Variants in NAGK observed in about 807,000 individuals in gnomAD.
NAGK encodes N-acetylglucosamine kinase.
In NAGK, 35 loss-of-function variants were observed where a neutral mutation model predicts 42.9. The observed-to-expected ratio is 0.82, with a 90% confidence interval of 0.62 to 1.08. The LOEUF (loss-of-function observed/expected upper bound fraction) is 1.08. Ranked by LOEUF, NAGK falls within the 50% of genes least tolerant of loss-of-function variation. NAGK has a pLI of 0.00. For synonymous variants in NAGK, 172 were observed against 176.0 expected (o/e 0.98, Z 0.18); for missense variants, 446 against 446.0 (o/e 1.00, Z 0.00).
rs144747357 is a variant in NAGK at position 71,072,436 on chromosome 2, C to T, written c.356-205C>T. 9.2e-5 allele frequency: 49 copies of T among 534,796 alleles called. No individual in the cohort carries two copies. In the East Asian group the frequency reaches 1.0e-3, roughly 11 times the overall value. 33.1% of individuals were successfully genotyped at this position (534,796 alleles called of 1,614,324 possible). On this transcript the variant is annotated intron_variant, in intron 4 of 9. Transcript: ENST00000244204. ...TTGCATTTCTCTTTGTCCCCCTAGA[C>T]GAGGGCGTTATGGGATTAGAGTTTT...
At chr2:71,075,692 C>G (rs1672184728) in intron 7 of NAGK, 50 bp downstream of exon 7, 1 of 1,532,174 alleles carries the variant, frequency 6.5e-7, no homozygotes. Context: ...TCCAAAGATC[C>G]CCAGTTGGGA....
chr2:71,070,779 G>A lies in NAGK; in HGVS notation c.153G>A (p.Glu51=). 6.2e-7 allele frequency: 1 copy of A among 1,614,202 alleles called. No homozygotes were observed. Among genetic ancestry groups the A allele is most frequent in the East Asian group, 2.2e-5 (1 of 44,886 alleles). ...GTDKCVERIN[E]MVNRAKRKAG... ...ACAAGTGTGTGGAGAGGATCAATGA[G>A]ATGGTGAACAGGGCCAAACGGAAAG... The change falls in exon 3 of 10, where the codon GAG becomes GAA. Residue 51 remains glutamate, a synonymous_variant. Transcript: ENST00000244204.
chr2:71,077,535 T>C, intron 8 of NAGK, 23 bp from the exon 9 acceptor site: 1 of 1,589,906 alleles, frequency 6.3e-7, no homozygotes, highest in Admixed American at 1.8e-5. Flanking sequence ...GGCCCCCATA[T>C]CCATTTTCTG....
At chr2:71,075,995 T>G in intron 7 of NAGK, 1 of 292,676 alleles carries the variant, frequency 3.4e-6, no homozygotes, top group Non-Finnish European at 6.5e-6. Context: ...TATAGAGAGG[T>G]TAGGCATATT....
At chr2:71,071,605 C>T in intron 3 of NAGK, 81 bp from the exon 4 acceptor site, 1 of 1,495,156 alleles carries the variant, frequency 6.7e-7, no homozygotes, top group Non-Finnish European at 8.9e-7. Context: ...GAACAGGAAT[C>T]AGGCATCAGG....
chr2:71,071,826 T>A lies in NAGK; in HGVS notation c.354T>A (p.Asp118Glu). The change falls in exon 4 of 10, where the codon GAT becomes GAA. Residue 118 changes from aspartate (D) to glutamate (E), a missense_variant and splice_region_variant. Coordinates refer to ENST00000244204, the MANE Select transcript of NAGK (RefSeq NM_017567.6). ...AAGSIATATP[D>E]GGVVLISGTG... ...GCTCCATCGCCACAGCTACACCGGA[T>A]GGTGAGGAAGTGGAGGGAGGGGTGA... The A allele has an allele frequency of 6.2e-7, 1 of 1,613,896 alleles. No homozygotes were observed. Among genetic ancestry groups the A allele is most frequent in the Non-Finnish European group, 8.5e-7 (1 of 1,179,920 alleles).
intron 4 of NAGK, 28 bp downstream of exon 4, chr2:71,071,855 T>A: frequency 6.2e-7 from 1 of 1,611,004 alleles, no homozygotes; most frequent in South Asian, 1.1e-5. Context: ...GGGGTGAGAG[T>A]GAGAACTGGT....
At chr2:71,074,183 GT>G (rs773417203) in intron 6 of NAGK, among the ~76,000 whole-genome samples, 33 of 152,178 alleles carry the variant, frequency 2.2e-4, no homozygotes, top group Non-Finnish European at 4.1e-4. Context: ...AGAGGACAAG[GT>G]TGATGAGTTT....
intron 3 of NAGK, 108 bp from the exon 4 acceptor site, chr2:71,071,578 G>A: frequency 7.0e-7 from 1 of 1,432,796 alleles, no homozygotes; most frequent in Non-Finnish European, 9.3e-7. Flanking sequence ...GGTGAACAGG[G>A]TATGGCCAGA....
intron 1 of NAGK, chr2:71,069,224 C>A: frequency 2.2e-6 from 1 of 458,854 alleles, no homozygotes; most frequent in Non-Finnish European, 2.9e-6. Flanking sequence ...TTCCATGCTG[C>A]TTTCACTAGA....
At chr2:71,071,500 C>T (rs1334328618) in intron 3 of NAGK, 186 bp from the exon 4 acceptor site, 1 of 750,238 alleles carries the variant, frequency 1.3e-6, no homozygotes, top group Non-Finnish European at 2.0e-6. Context: ...CATCCCCAGT[C>T]CAGGTTGTTC....
Position 71,071,671 on chromosome 2 carries a change from T to TC in NAGK, c.214-12dup, listed in dbSNP as rs780249145. The TC allele has an allele frequency of 6.2e-7, 1 of 1,607,816 alleles. No homozygotes were observed. The highest frequency in any genetic ancestry group is 1.1e-5 in the South Asian group (1 of 90,444). ...CTGGGGCTCTGCACACTCGCTCACCTCCCGCGTGGCCTAGGGCCTATCTCT... is the reference window on the plus strand; with the variant it reads ...CTGGGGCTCTGCACACTCGCTCACCTCCCCGCGTGGCCTAGGGCCTATCTCT... On this transcript the variant is annotated splice_polypyrimidine_tract_variant and intron_variant, in intron 3 of 9. Coordinates refer to ENST00000244204, the MANE Select transcript of NAGK (RefSeq NM_017567.6).
chr2:71,068,325 A>G (rs1377868824), upstream of NAGK: 1 of 521,178 alleles, frequency 1.9e-6, no homozygotes, highest in African/African-American at 2.0e-5. Flanking sequence ...CCGGGCGTTT[A>G]CAGGCAGGCA....
intron 8 of NAGK, 48 bp downstream of exon 8, chr2:71,076,749 G>T: frequency 6.7e-7 from 1 of 1,494,918 alleles, no homozygotes; most frequent in Non-Finnish European, 9.3e-7. Context: ...GTGAGGAGTG[G>T]TCCTTTCCCA....
chr2:71,068,950 G>A (rs1049270430), intron 1 of NAGK: 22 of 1,273,712 alleles, frequency 1.7e-5, no homozygotes, highest in East Asian at 1.6e-4. Context: ...GTTTCTTGGC[G>A]GAACCACGCC....
chr2:71,068,506 C>T (rs1264331375), upstream of NAGK: 9 of 1,431,924 alleles, frequency 6.3e-6, no homozygotes, highest in African/African-American at 4.5e-5. Flanking sequence ...GCCTGAGGGA[C>T]GCAGCCATCC....
At chr2:71,069,114 G>C (rs1381458356) in intron 1 of NAGK, 1 of 1,010,176 alleles carries the variant, frequency 9.9e-7, no homozygotes, top group Non-Finnish European at 1.2e-6. Flanking sequence ...GGGAGAAGCG[G>C]GACAAAGATC....
At chr2:71,076,736 T>A in intron 8 of NAGK, 35 bp downstream of exon 8, 1 of 1,570,612 alleles carries the variant, frequency 6.4e-7, no homozygotes, top group South Asian at 1.1e-5. Flanking sequence ...GGGGAGCTGC[T>A]GGGTGAGGAG....
intron 4 of NAGK, chr2:71,072,188 A>C: frequency 3.6e-6 from 1 of 280,766 alleles, no homozygotes; most frequent in Non-Finnish European, 6.8e-6. Context: ...TGGTGTTTGA[A>C]TCCCAGTTCC....
Sources: gnomAD v4.1 joint callset for allele counts (sites outside exome capture counted in the v4.1 genomes callset) on GRCh38, gnomAD v4.1.1 for gene constraint, MANE v1.5 for transcripts, NCBI Gene and HGNC (gene_info 2026-07-23, HGNC 2026-07-21) for gene names.